The following NELL1 variants were observed in gnomAD, a reference collection of about 807,000 sequenced individuals.
NELL1 encodes protein kinase C-binding protein NELL1.
A neutral mutation model predicts 107.4 loss-of-function variants in NELL1; 76 were observed. That is an observed-to-expected ratio of 0.71 (90% CI 0.59 to 0.86). The LOEUF (loss-of-function observed/expected upper bound fraction) is 0.86, where lower values mean the gene tolerates loss of function less well. NELL1 is among the 40% of genes least tolerant of loss of function. NELL1 has a pLI of 0.00. For missense variants in NELL1, 1,024 were observed against 1,005.5 expected, an observed-to-expected ratio of 1.02 and a Z score of -0.25; for synonymous variants, 353 against 341.2, an observed-to-expected ratio of 1.03 and a Z score of -0.38.
chr11:21,205,505 CG>C (rs1033503926), intron 13 of NELL1, among the ~76,000 whole-genome samples: 2 of 152,106 alleles, frequency 1.3e-5, no homozygotes, highest in African/African-American at 2.4e-5. Context: ...GACTTCAGAC[CG>C]CCGTGCTGGC....
At chr11:20,986,345 G>C (rs1851852310) in intron 12 of NELL1, among the ~76,000 whole-genome samples, 2 of 152,222 alleles carry the variant, frequency 1.3e-5, no homozygotes, top group Admixed American at 1.3e-4. Flanking sequence ...TGTTCCAGAT[G>C]TGGAGTGAAA....
intron 2 of NELL1, chr11:20,770,928 G>T (rs1856626939): frequency 6.8e-6 from 1 of 146,740 alleles, no homozygotes; most frequent in Non-Finnish European, 1.5e-5. Flanking sequence ...TATTTATTTG[G>T]CACACATTGT....
At chr11:21,383,682 A>T (rs1590886825) in intron 15 of NELL1, 1 of 147,660 alleles carries the variant, frequency 6.8e-6, no homozygotes. Context: ...TATATATATA[A>T]ATATATCTGT....
chr11:21,462,187 T>A (rs894832321), intron 15 of NELL1, among the ~76,000 whole-genome samples: 1 of 152,076 alleles, frequency 6.6e-6, no homozygotes, highest in African/African-American at 2.4e-5. Flanking sequence ...TGTAGTCTCA[T>A]ACAACTAGAA....
At chr11:21,414,260 A>C (rs553262276) in intron 15 of NELL1, among the ~76,000 whole-genome samples, 5 of 152,050 alleles carry the variant, frequency 3.3e-5, no homozygotes, top group African/African-American at 1.2e-4. Flanking sequence ...TCAAGAAAGA[A>C]AGAACTGATG....
chr11:21,080,652 C>G (rs1340642553), intron 12 of NELL1, among the ~76,000 whole-genome samples: 1 of 151,984 alleles, frequency 6.6e-6, no homozygotes, highest in Non-Finnish European at 1.5e-5. Flanking sequence ...TAAACTTGTA[C>G]CTATCTGTGC....
intron 15 of NELL1, among the ~76,000 whole-genome samples, chr11:21,445,480 C>T (rs1853402004): frequency 6.6e-6 from 1 of 152,086 alleles, no homozygotes; most frequent in Non-Finnish European, 1.5e-5. Flanking sequence ...GCATGCACCA[C>T]CATGCCTGGC....
intron 13 of NELL1, among the ~76,000 whole-genome samples, chr11:21,148,023 G>A (rs1295832026): frequency 6.6e-6 from 1 of 152,056 alleles, no homozygotes; most frequent in Non-Finnish European, 1.5e-5. Flanking sequence ...TCCCTCTTGG[G>A]CCTCCCTGGG....
In NELL1 at chr11:20,768,145, C is replaced by G. The variant is rs554637410; in HGVS notation, c.185-15535C>G. Among the ~76,000 whole-genome samples, 22 of 152,264 alleles carry G rather than the reference C, an allele frequency of 1.4e-4. No individual in the cohort carries two copies. The East Asian group carries it at 1.7e-3, about 12-fold the overall frequency. ...CATATGCTAGGTACTATTCTAAATTCTTTATATTCATGAGCTCATTTAATC... is the reference window on the plus strand; with the variant it reads ...CATATGCTAGGTACTATTCTAAATTGTTTATATTCATGAGCTCATTTAATC... On this transcript the variant is annotated intron_variant, in intron 2 of 19. Coordinates refer to ENST00000357134, the MANE Select transcript of NELL1 (RefSeq NM_006157.5).
chr11:20,823,852 A>G (rs776811089), intron 3 of NELL1, among the ~76,000 whole-genome samples: 10 of 151,278 alleles, frequency 6.6e-5, no homozygotes, highest in African/African-American at 9.7e-5. Context: ...CCTGCCCCGA[A>G]GAAAGCCTCA....
At chr11:21,057,361 G>A (rs1853638055) in intron 12 of NELL1, among the ~76,000 whole-genome samples, 1 of 151,664 alleles carries the variant, frequency 6.6e-6, no homozygotes, top group Admixed American at 6.6e-5. Context: ...TTGGGAAGTG[G>A]ATGGGAACTA....
At position 21,101,524 on chromosome 11, in the gene NELL1, C is replaced by T. The variant is rs529320544; in HGVS notation, c.1301-12065C>T. Among the ~76,000 whole-genome samples the T allele has an allele frequency of 2.8e-3, 422 of 152,120 alleles. 3 individuals are homozygous for T. Among genetic ancestry groups the T allele is most frequent in the African/African-American group, 9.0e-3 (374 of 41,502 alleles). ...TGTTGTTTCCTGACTTTTTAATGAT[C>T]GCCATTCTAACTGGTGTGAGATGGT... is the stretch of plus-strand genomic sequence containing the variant. On this transcript the variant is annotated intron_variant, in intron 12 of 19. Coordinates refer to ENST00000357134, the MANE Select transcript of NELL1 (RefSeq NM_006157.5).
At chr11:21,204,677 G>A (rs757877581) in intron 13 of NELL1, among the ~76,000 whole-genome samples, 21 of 151,884 alleles carry the variant, frequency 1.4e-4, no homozygotes, top group Non-Finnish European at 2.9e-5. Context: ...GTGATCCTTT[G>A]GAGAAGAAGA....
At chr11:21,330,526 A>C (rs771489135) in intron 14 of NELL1, among the ~76,000 whole-genome samples, 1 of 151,990 alleles carries the variant, frequency 6.6e-6, no homozygotes, top group African/African-American at 2.4e-5. Context: ...TTCTTTCAGC[A>C]CTTTGAATAT....
At chr11:21,424,317 A>G (rs1852765849) in intron 15 of NELL1, among the ~76,000 whole-genome samples, 1 of 152,158 alleles carries the variant, frequency 6.6e-6, no homozygotes. Flanking sequence ...AGAGGATTAT[A>G]GGAGAGTACT....
chr11:20,727,260 T>A (rs1436560775), intron 2 of NELL1, among the ~76,000 whole-genome samples: 2 of 152,222 alleles, frequency 1.3e-5, no homozygotes, highest in African/African-American at 4.8e-5. Flanking sequence ...CAGCACCTGT[T>A]GTTTCCTAAC....
intron 16 of NELL1, among the ~76,000 whole-genome samples, chr11:21,557,702 C>T (rs1432225046): frequency 6.6e-6 from 1 of 151,948 alleles, no homozygotes; most frequent in Non-Finnish European, 1.5e-5. Flanking sequence ...ACCCAAGGGC[C>T]TTCACAGATG....
At chr11:21,395,900 AAAAC>A (rs1299453812) in intron 15 of NELL1, among the ~76,000 whole-genome samples, 5 of 151,474 alleles carry the variant, frequency 3.3e-5, no homozygotes, top group South Asian at 2.1e-4. Context: ...TTAGAAAAAT[AAAAC>A]AAACAAAAAA....
intron 12 of NELL1, among the ~76,000 whole-genome samples, chr11:20,987,988 T>A (rs61880770): frequency 0.078 from 11,919 of 152,212 alleles, 519 homozygotes; most frequent in African/African-American, 0.12. Flanking sequence ...CAAAAAACAT[T>A]GGGATTTTCC....
Sources: gnomAD v4.1 joint callset for allele counts (sites outside exome capture counted in the v4.1 genomes callset) on GRCh38, gnomAD v4.1.1 for gene constraint, MANE v1.5 for transcripts, NCBI Gene and HGNC (gene_info 2026-07-23, HGNC 2026-07-21) for gene names.